CHADL: variants seen among roughly 807,000 people sequenced by gnomAD.
CHADL encodes chondroadherin like.
Under a neutral mutation model 52.1 loss-of-function variants are expected in CHADL, and 48 were observed. That is an observed-to-expected ratio of 0.92 (90% CI 0.73 to 1.17). The LOEUF is 1.17. Among genes scored for constraint, CHADL ranks in the 50% most tolerant of loss-of-function variants. The probability of loss-of-function intolerance (pLI) is 0.00; values close to 1 mark genes in which losing one functional copy is unlikely to be tolerated. For synonymous variants in CHADL, 498 were observed against 511.2 expected (o/e 0.97, Z 0.35); for missense variants, 977 against 1,035.1 (o/e 0.94, Z 0.77).
Position 41,238,405 on chromosome 22 carries a change from C to A in CHADL, c.667G>T (p.Gly223Trp). Residue 223 changes from glycine (G) to tryptophan (W), a missense_variant, in exon 3 of 6, where the codon GGG becomes TGG. Coordinates refer to ENST00000216241, the MANE Select transcript of CHADL (RefSeq NM_138481.2). The surrounding 1 kb of genome is among the most constrained non-coding windows in gnomAD (Gnocchi z 4.9). The stretch of plus-strand genomic sequence containing the variant: ...CCGCGGGCCTGGGACAAGACAGGCC[C>A]GGGCAGAGCCTGGAGCTCGTTGTGG... ...LHHNELQALP[G>W]PVLSQARGLA... The A allele has an allele frequency of 6.6e-7, 1 of 1,514,700 alleles. No individual in the cohort carries two copies. The highest frequency in any genetic ancestry group is 1.2e-5 in the South Asian group (1 of 80,644). 93.8% of individuals were successfully genotyped at this position (1,514,700 alleles called of 1,614,324 possible).
rs1397318567 is a variant in CHADL at position 41,236,469 on chromosome 22, G to C, written c.2063+15C>G. 1.7e-5 allele frequency: 26 copies of C among 1,549,372 alleles called. No individual in the cohort carries two copies. The highest frequency in any genetic ancestry group is 2.3e-5 in the Non-Finnish European group (26 of 1,145,944). The stretch of plus-strand genomic sequence containing the variant: ...TGGGTGGTCTTTGGCTGGAGGTCTA[G>C]GTGGGGGTGCCCACCTGTGCAGCGG... On this transcript the variant is annotated intron_variant, in intron 4 of 5. Coordinates refer to ENST00000216241, the MANE Select transcript of CHADL (RefSeq NM_138481.2).
chr22:41,236,702 C>T (rs1301055455), intron 3 of CHADL, 52 bp from the exon 4 acceptor site: 1 of 1,486,910 alleles, frequency 6.7e-7, no homozygotes. Flanking sequence ...GCTGTCCCAC[C>T]CCCAAGTCTG....
intron 4 of CHADL, 103 bp from the exon 5 acceptor site, chr22:41,235,446 C>A: frequency 3.5e-6 from 3 of 846,468 alleles, no homozygotes; most frequent in Non-Finnish European, 5.6e-6. Flanking sequence ...CAGAAGGCAG[C>A]ACAAGGCCAC....
chr22:41,230,444 C>G (rs1601548554), intron 5 of CHADL: 2 of 588,714 alleles, frequency 3.4e-6, no homozygotes, highest in East Asian at 5.8e-5. Context: ...CTGCCCTCCC[C>G]TGTGGAAAGG....
At chr22:41,237,081 A>G (rs1376112294) in intron 3 of CHADL, 95 bp downstream of exon 3, 12 of 1,315,896 alleles carry the variant, frequency 9.1e-6, no homozygotes, top group South Asian at 1.5e-5. Flanking sequence ...GAGACCTGGC[A>G]CCAAGGGGCT....
chr22:41,239,364 G>T, intron 2 of CHADL, 79 bp downstream of exon 2: 1 of 1,345,408 alleles, frequency 7.4e-7, no homozygotes, highest in Non-Finnish European at 1.0e-6. Context: ...AGATCAACTG[G>T]TGCCCAGCCC....
At position 41,238,686 on chromosome 22, in the gene CHADL, G is replaced by A. The variant is rs1490870086; in HGVS notation, c.386C>T (p.Ala129Val). 3.9e-6 allele frequency: 6 copies of A among 1,545,790 alleles called. No homozygotes were observed. The East Asian group carries it at 1.2e-4, about 32-fold the overall frequency. ...SNHLRELPQE[A>V]LDGLGSLRRL... ...CCGCAACGAGCCCAGCCCGTCCAGCGCCTCCTGGGGCAGCTCACGCAGGTG... is the reference window on the plus strand; with the variant it reads ...CCGCAACGAGCCCAGCCCGTCCAGCACCTCCTGGGGCAGCTCACGCAGGTG... Residue 129 changes from alanine (A) to valine (V), a missense_variant, in exon 3 of 6, where the codon GCG becomes GTG. Ala to Val is a moderately conservative substitution (Grantham distance 64). Coordinates refer to ENST00000216241, the MANE Select transcript of CHADL (RefSeq NM_138481.2). This position sits in a 1 kb window ranked among gnomAD's most constrained non-coding sequence, Gnocchi z 4.9.
In CHADL at chr22:41,229,594, C is replaced by T. The variant is rs371211871; in HGVS notation, c.*110G>A. 1 of 1,613,628 alleles carries T rather than the reference C, an allele frequency of 6.2e-7. No individual in the cohort carries two copies. The highest frequency in any genetic ancestry group is 8.5e-7 in the Non-Finnish European group (1 of 1,179,766). On this transcript the variant is annotated 3_prime_UTR_variant, in exon 6 of 6. Transcript: ENST00000216241. ...CCCCTCAGACAGGGGTCCAAGAAGC[C>T]CCTGCTGGAGGACGACCCTCAGGGT...
chr22:41,238,931 C>A lies in CHADL; in HGVS notation c.187-46G>T. ...GTGGGGCTGAGCCAGGCAGGGACCC[C>A]GCCTTTGCAAGTGCTGCTTCTTCCC... On this transcript the variant is annotated intron_variant, in intron 2 of 5. Transcript: ENST00000216241. This position sits in a 1 kb window ranked among gnomAD's most constrained non-coding sequence, Gnocchi z 4.9. 1.3e-6 allele frequency: 2 copies of A among 1,482,862 alleles called. No homozygotes were observed. The highest frequency in any genetic ancestry group is 1.3e-5 in the South Asian group (1 of 75,644). 91.9% of individuals were successfully genotyped at this position (1,482,862 alleles called of 1,614,324 possible). A position where few individuals can be genotyped will look rare whatever the true frequency, so the allele number is the denominator to read the frequency against.
chr22:41,240,305 G>C (rs553100705), intron 1 of CHADL, among the ~76,000 whole-genome samples: 1 of 152,272 alleles, frequency 6.6e-6, no homozygotes, highest in Non-Finnish European at 1.5e-5. Flanking sequence ...TGCCCGGGCT[G>C]GTCTTGAACT....
At position 41,237,220 on chromosome 22, in the gene CHADL, T is replaced by C. The variant is rs2032759905; in HGVS notation, c.1852A>G (p.Arg618Gly). Reference protein sequence around the residue: ...LRDGAFQPVGRSLQHLFLNSS... With the variant: ...LRDGAFQPVGGSLQHLFLNSS... ...TTCAGGAAGAGGTGCTGCAGCGACC[T>C]GCCCACAGGCTGGAAGGCTCCGTCA... Residue 618 changes from arginine (R) to glycine (G), a missense_variant, in exon 3 of 6, where the codon AGG becomes GGG. By Grantham distance (125) the Arg-to-Gly change is moderately radical. Transcript: ENST00000216241. 6.5e-7 allele frequency: 1 copy of C among 1,549,370 alleles called. No individual in the cohort carries two copies.
chr22:41,231,256 C>G (rs1218396752), intron 5 of CHADL: 1 of 152,194 alleles, frequency 6.6e-6, no homozygotes, highest in Non-Finnish European at 1.5e-5. Flanking sequence ...AGAAATTAAA[C>G]CCCCTGCTTG....
intron 4 of CHADL, 104 bp from the exon 5 acceptor site, chr22:41,235,447 A>C: frequency 3.5e-6 from 3 of 848,148 alleles, no homozygotes; most frequent in Non-Finnish European, 5.6e-6. Flanking sequence ...AGAAGGCAGC[A>C]CAAGGCCACA....
At chr22:41,236,757 C>T (rs1569158931) in intron 3 of CHADL, 107 bp from the exon 4 acceptor site, 12 of 1,132,930 alleles carry the variant, frequency 1.1e-5, no homozygotes, top group South Asian at 3.2e-5. Flanking sequence ...GCTGGAGAGC[C>T]CAAGCTGGTC....
Position 41,240,882 on chromosome 22 carries a change from G to A in CHADL, c.-1C>T. Reference sequence around the variant, plus strand: ...CGGGCCCAAAGACTCACCCCTCCATGCCGCCTGGAACTGCTGGTCCAGCCT... The same window carrying A: ...CGGGCCCAAAGACTCACCCCTCCATACCGCCTGGAACTGCTGGTCCAGCCT... On this transcript the variant is annotated 5_prime_UTR_variant, in exon 1 of 6. Coordinates refer to ENST00000216241, the MANE Select transcript of CHADL (RefSeq NM_138481.2). 1 of 1,550,244 alleles carries A rather than the reference G, an allele frequency of 6.5e-7. No individual in the cohort carries two copies. The highest frequency in any genetic ancestry group is 1.7e-4 in the Middle Eastern group (1 of 5,988).
At chr22:41,232,149 G>A (rs5758269) in intron 5 of CHADL, among the ~76,000 whole-genome samples, 20,790 of 151,770 alleles carry the variant, frequency 0.14, 3,712 homozygotes, top group African/African-American at 0.41. Flanking sequence ...TGGCTAACAC[G>A]ATGAAACCCT....
In CHADL at chr22:41,237,294, G is replaced by C. The variant is rs534921509; in HGVS notation, c.1778C>G (p.Pro593Arg). The C allele has an allele frequency of 1.6e-5, 25 of 1,550,608 alleles. No individual in the cohort carries two copies. In the African/African-American group the frequency reaches 2.9e-4, roughly 18 times the overall value. ...EVPTGALEGL[P>R]ALLELQLSGN... ...CGAGAGCTGCAGCTCCAGGAGGGCAGGCAGCCCCTCCAAGGCCCCAGTGGG... is the reference window on the plus strand; with the variant it reads ...CGAGAGCTGCAGCTCCAGGAGGGCACGCAGCCCCTCCAAGGCCCCAGTGGG... Residue 593 changes from proline to arginine, a missense_variant, in exon 3 of 6, where the codon CCT becomes CGT. By Grantham distance (103) the Pro-to-Arg change is moderately radical (BLOSUM62 -2). Transcript: ENST00000216241.
chr22:41,239,023 A>C, intron 2 of CHADL, 138 bp from the exon 3 acceptor site: 1 of 1,196,584 alleles, frequency 8.4e-7, no homozygotes, highest in Non-Finnish European at 1.1e-6. Flanking sequence ...CACCTCCTCC[A>C]GGAAGCCTTC....
intron 4 of CHADL, 102 bp from the exon 5 acceptor site, chr22:41,235,445 G>A (rs1006879736): frequency 2.2e-5 from 19 of 871,048 alleles, no homozygotes; most frequent in African/African-American, 5.1e-5. Flanking sequence ...GCAGAAGGCA[G>A]CACAAGGCCA....
Sources: allele counts gnomAD v4.1 joint callset (sites outside exome capture counted in the v4.1 genomes callset), GRCh38; gene constraint gnomAD v4.1.1; non-coding constraint Gnocchi (gnomAD v3.1); transcripts MANE v1.5; gene names NCBI Gene and HGNC (gene_info 2026-07-23, HGNC 2026-07-21).